The following POLQ variants were observed in gnomAD, a reference collection of about 807,000 sequenced individuals.
POLQ encodes the protein DNA polymerase theta.
Under a neutral mutation model 259.2 loss-of-function variants are expected in POLQ, and 233 were observed. That is an observed-to-expected ratio of 0.90 (90% CI 0.81 to 1.00). POLQ has a LOEUF of 1.00. Among genes scored for constraint, POLQ ranks in the 50% least tolerant of loss-of-function variants. The probability of loss-of-function intolerance (pLI) is 0.00; values close to 1 mark genes in which losing one functional copy is unlikely to be tolerated. For missense variants in POLQ, 2,871 were observed against 3,051.6 expected (o/e 0.94, Z 1.39); for synonymous variants, 1,025 against 1,048.8 (o/e 0.98, Z 0.44).
chr3:121,451,714 T>C (rs1365019194), intron 25 of POLQ, among the ~76,000 whole-genome samples: 5 of 152,138 alleles, frequency 3.3e-5, no homozygotes, highest in African/African-American at 1.2e-4. Context: ...GGGTGCCTCC[T>C]AGTTAGGCTA....
At chr3:121,446,792 C>T (rs1247853486) in intron 26 of POLQ, among the ~76,000 whole-genome samples, 2 of 152,104 alleles carry the variant, frequency 1.3e-5, no homozygotes, top group African/African-American at 4.8e-5. Flanking sequence ...TTTCCATTGG[C>T]ATGGAATCTC....
chr3:121,434,765 C>T (rs1560082348), intron 28 of POLQ, among the ~76,000 whole-genome samples: 2 of 152,164 alleles, frequency 1.3e-5, no homozygotes, highest in Non-Finnish European at 2.9e-5. Context: ...AAATCTCATC[C>T]TCAATAACTA....
chr3:121,492,676 C>T (rs1276336480), intron 15 of POLQ, among the ~76,000 whole-genome samples: 2 of 151,116 alleles, frequency 1.3e-5, no homozygotes, highest in African/African-American at 4.9e-5. Flanking sequence ...TACTCTGTCA[C>T]CCAGGCTGGA....
In POLQ at chr3:121,447,171, C is replaced by CTTT. The variant is rs71133535; in HGVS notation, c.7264+2141_7264+2143dup. Among the ~76,000 whole-genome samples, 13 of 127,452 alleles carry CTTT rather than the reference C, an allele frequency of 1.0e-4. 1 individual carries two copies. Among genetic ancestry groups the CTTT allele is most frequent in the Admixed American group, 2.5e-4 (3 of 11,968 alleles). The allele number at this position is 127,452 out of a possible 152,430, so 83.6% of individuals were successfully genotyped here. A position where few individuals can be genotyped will look rare whatever the true frequency, so the allele number is the denominator to read the frequency against. On this transcript the variant is annotated intron_variant, in intron 26 of 29. Transcript: ENST00000264233. ...GACTTGCAAATAATGTCTTATAACC[C>CTTT]TTTTTTTTTTTTTTTTTGAGAAAGA...
intron 24 of POLQ, among the ~76,000 whole-genome samples, chr3:121,466,074 C>T (rs1162045933): frequency 6.6e-6 from 1 of 152,038 alleles, no homozygotes; most frequent in Non-Finnish European, 1.5e-5. Flanking sequence ...ACGCTGAACA[C>T]ACAAATGATA....
chr3:121,486,375 C>T (rs1240904742), intron 16 of POLQ, among the ~76,000 whole-genome samples: 1 of 151,360 alleles, frequency 6.6e-6, no homozygotes, highest in Non-Finnish European at 1.5e-5. Context: ...ACAGTGAAAC[C>T]CCATCTGTAC....
intron 25 of POLQ, among the ~76,000 whole-genome samples, chr3:121,450,246 A>G (rs942444042): frequency 8.5e-5 from 13 of 152,232 alleles, no homozygotes; most frequent in Non-Finnish European, 1.6e-4. Flanking sequence ...ATCATTAAAT[A>G]AAATCTAAAA....
At chr3:121,509,914 A>ACACTG in intron 11 of POLQ, 125 bp downstream of exon 11, 1 of 890,200 alleles carries the variant, frequency 1.1e-6, no homozygotes, top group Non-Finnish European at 1.8e-6. Context: ...ATGAGTTGAT[A>ACACTG]CACTGCTCAA....
At chr3:121,444,308 T>C (rs1473198070) in intron 26 of POLQ, among the ~76,000 whole-genome samples, 1 of 143,766 alleles carries the variant, frequency 7.0e-6, no homozygotes, top group Non-Finnish European at 1.5e-5. Context: ...TATAGATCTT[T>C]CACTTCTTTG....
chr3:121,457,556 C>T (rs950356675), intron 25 of POLQ, among the ~76,000 whole-genome samples: 6 of 152,128 alleles, frequency 3.9e-5, no homozygotes, highest in African/African-American at 7.2e-5. Flanking sequence ...CAAACAACCC[C>T]ATCAAAAAGT....
At chr3:121,461,816 C>A (rs542254311) in intron 24 of POLQ, among the ~76,000 whole-genome samples, 2 of 152,102 alleles carry the variant, frequency 1.3e-5, no homozygotes, top group Non-Finnish European at 2.9e-5. Flanking sequence ...AGGCCTCATA[C>A]ATGTAGTAAT....
At chr3:121,510,342 C>G (rs1354642613) in intron 10 of POLQ, 99 bp from the exon 11 acceptor site, 2 of 751,656 alleles carry the variant, frequency 2.7e-6, no homozygotes, top group South Asian at 1.7e-5. Context: ...CTTTGGGAGT[C>G]CGAGGCGGGC....
At chr3:121,507,605 T>C (rs1297398298) in intron 12 of POLQ, among the ~76,000 whole-genome samples, 1 of 151,992 alleles carries the variant, frequency 6.6e-6, no homozygotes, top group Non-Finnish European at 1.5e-5. Flanking sequence ...CATGCACCTG[T>C]AGTCCCAGCT....
Position 121,519,945 on chromosome 3 carries a change from C to A in POLQ, c.1394G>T (p.Gly465Val), listed in dbSNP as rs1399849574. The A allele has an allele frequency of 6.2e-7, 1 of 1,612,690 alleles. No homozygotes were observed. The highest frequency in any genetic ancestry group is 8.5e-7 in the Non-Finnish European group (1 of 1,178,954). The change falls in exon 9 of 30, where the codon GGT (glycine) becomes GTT (valine). Residue 465 changes from glycine to valine, a missense_variant. Coordinates refer to ENST00000264233, the MANE Select transcript of POLQ (RefSeq NM_199420.4). Reference protein sequence around the residue: ...RRVIIRTPIFGGRPLDILTYK... With the variant: ...RRVIIRTPIFVGRPLDILTYK... ...AGTAAGAATATCTAGAGGTCGACCA[C>A]CAAAAATAGGGGTTCGAATAATCAC...
At chr3:121,449,523 A>C in intron 25 of POLQ, 97 bp from the exon 26 acceptor site, 1 of 736,392 alleles carries the variant, frequency 1.4e-6, no homozygotes, top group South Asian at 1.5e-5. Flanking sequence ...TTTTTATTTC[A>C]CAGTGAGTGA....
At position 121,489,244 on chromosome 3, in the gene POLQ, T is replaced by C; in HGVS notation, c.3687A>G (p.Arg1229=). The C allele has an allele frequency of 2.5e-6, 4 of 1,611,828 alleles. No homozygotes were observed. Among genetic ancestry groups the C allele is most frequent in the Non-Finnish European group, 3.4e-6 (4 of 1,178,620 alleles). The part of the protein sequence containing the change: ...PCEAVSSYIN[R]DSNVTINCER... ...CACAATTGATAGTAACATTTGAGTC[T>C]CTATTTATGTAACTACTGACTGCTT... Residue 1229 remains arginine, a synonymous_variant, in exon 16 of 30, where the codon AGA becomes AGG. Coordinates refer to ENST00000264233, the MANE Select transcript of POLQ (RefSeq NM_199420.4).
At chr3:121,440,213 A>G (rs2047579566) in intron 26 of POLQ, 97 bp from the exon 27 acceptor site, 13 of 838,840 alleles carry the variant, frequency 1.5e-5, no homozygotes, top group Non-Finnish European at 2.5e-5. Context: ...AAACCCCACG[A>G]TGATTCTTAA....
At chr3:121,505,841 T>A in intron 12 of POLQ, among the ~76,000 whole-genome samples, 1 of 112,792 alleles carries the variant, frequency 8.9e-6, no homozygotes, top group Non-Finnish European at 1.8e-5. Context: ...AAACCCCATC[T>A]CTACTAAAAA....
chr3:121,453,411 A>T (rs565773537), intron 25 of POLQ, among the ~76,000 whole-genome samples: 2 of 152,356 alleles, frequency 1.3e-5, no homozygotes, highest in South Asian at 2.1e-4. Context: ...ACGAGTTGAG[A>T]GAAGAAGGCT....
Sources: allele counts gnomAD v4.1 joint callset (sites outside exome capture counted in the v4.1 genomes callset), GRCh38; gene constraint gnomAD v4.1.1; transcripts MANE v1.5; gene names NCBI Gene and HGNC (gene_info 2026-07-23, HGNC 2026-07-21).